Variants in POTEE observed in about 807,000 individuals in gnomAD.
The protein encoded by POTEE is ANKRD26-like family C member 1A.
In POTEE, 21 loss-of-function variants were observed where a neutral mutation model predicts 74.2. The observed-to-expected ratio is 0.28, with a 90% CI of 0.20 to 0.41. The LOEUF is 0.41. POTEE is among the 10% of genes least tolerant of loss of function. POTEE has a pLI of 1.00. For synonymous variants in POTEE, 211 were observed against 432.8 expected (o/e 0.49, Z 6.36); for missense variants, 525 against 1,158.6 (o/e 0.45, Z 7.94).
intron 8 of POTEE, among the ~76,000 whole-genome samples, chr2:131,230,437 T>A (rs910851811): frequency 1.3e-5 from 2 of 152,170 alleles, no homozygotes; most frequent in African/African-American, 4.8e-5. Context: ...TCGTTAAACC[T>A]TTATAACAAC....
At chr2:131,231,742 A>G (rs964660258) in intron 9 of POTEE, among the ~76,000 whole-genome samples, 11 of 152,100 alleles carry the variant, frequency 7.2e-5, no homozygotes, top group Admixed American at 7.2e-4. Context: ...TAAATATACA[A>G]ATTGCCCAAC....
At chr2:131,219,283 T>G (rs561676047) in intron 4 of POTEE, among the ~76,000 whole-genome samples, 1 of 151,592 alleles carries the variant, frequency 6.6e-6, no homozygotes, top group East Asian at 1.9e-4. Flanking sequence ...CAAAGCCCCA[T>G]AACACATCAA....
Position 131,224,012 on chromosome 2 carries a change from T to TA in POTEE, c.780dup (p.Tyr261IlefsTer4), listed in dbSNP as rs2105076930. ...AAATTAATGGCCAAAGCACTGCTCTTATATGGTGCTGATATCGAATCAAAA... is the reference window on the plus strand; with the variant it reads ...AAATTAATGGCCAAAGCACTGCTCTTAATATGGTGCTGATATCGAATCAAAA... On this transcript the variant is annotated frameshift_variant, in exon 6 of 18. Coordinates refer to ENST00000683005, the MANE Select transcript of POTEE (RefSeq NM_001083538.3). LOFTEE classifies it high-confidence loss of function. 1 of 1,480,798 alleles carries TA rather than the reference T, an allele frequency of 6.8e-7. No individual in the cohort carries two copies. The highest frequency in any genetic ancestry group is 2.4e-5 in the East Asian group (1 of 41,770). 91.7% of individuals were successfully genotyped at this position (1,480,798 alleles called of 1,614,324 possible).
intron 8 of POTEE, among the ~76,000 whole-genome samples, chr2:131,228,642 T>C (rs200928819): frequency 2.7e-5 from 4 of 147,432 alleles, no homozygotes; most frequent in African/African-American, 2.7e-5. Context: ...TTGATCCAAG[T>C]GTAACACCTA....
chr2:131,265,114 TTTTG>T lies in POTEE; in HGVS notation c.*435_*438del, dbSNP rs1701868914. 6.7e-6 allele frequency: 1 copy of T among 149,500 alleles called. No individual in the cohort carries two copies. 9.3% of individuals were successfully genotyped at this position (149,500 alleles called of 1,614,324 possible). On this transcript the variant is annotated 3_prime_UTR_variant, in exon 18 of 18. Transcript: ENST00000683005. ...GAATCTTCGCCTTAATACTTTTTAA[TTTTG>T]TTTTATTTTGAATGATCAGCCTTCG...
At chr2:131,251,290 A>G (rs1268359355) in intron 14 of POTEE, among the ~76,000 whole-genome samples, 1,549 of 32,422 alleles carry the variant, frequency 0.048, 358 homozygotes, top group African/African-American at 0.094. Flanking sequence ...ATTTTAATAG[A>G]TTCTTAAAAT....
At position 131,263,437 on chromosome 2, in the gene POTEE, A is replaced by G. The variant is rs1222187139; in HGVS notation, c.1982A>G (p.Glu661Gly). 6.2e-7 allele frequency: 1 copy of G among 1,611,934 alleles called. No individual in the cohort carries two copies. Among genetic ancestry groups the G allele is most frequent in the South Asian group, 1.1e-5 (1 of 90,942 alleles). The change falls in exon 18 of 18, where the codon GAG becomes GGG. Residue 661 changes from glutamate (E) to glycine (G), a missense_variant. By Grantham distance (98) the Glu-to-Gly change is moderately conservative. Transcript: ENST00000683005. ...GAAGAAATTGCCATGCTAAGACTGGAGCTAGACACAATGAAACATCAGAGC... is the reference window on the plus strand; with the variant it reads ...GAAGAAATTGCCATGCTAAGACTGGGGCTAGACACAATGAAACATCAGAGC... ...LREEIAMLRLELDTMKHQSQL... is the reference protein window; with the variant it reads ...LREEIAMLRLGLDTMKHQSQL...
chr2:131,220,546 G>A (rs187562672), intron 4 of POTEE, among the ~76,000 whole-genome samples: 3,345 of 152,006 alleles, frequency 0.022, 126 homozygotes, highest in African/African-American at 0.073. Flanking sequence ...TTAAAATTGG[G>A]CAAAGTACTT....
rs552406127 is a variant in POTEE at position 131,215,103 on chromosome 2, C to T, written c.-188-2486C>T. Among the ~76,000 whole-genome samples the T allele has an allele frequency of 3.3e-5, 5 of 150,552 alleles. No individual in the cohort carries two copies. The East Asian group carries it at 5.8e-4, about 18-fold the overall frequency. Reference sequence around the variant, plus strand: ...CCATTAGTGATATATTTTAAAAATGCTTATAATGTGTCACAATATATTTAG... The same window carrying T: ...CCATTAGTGATATATTTTAAAAATGTTTATAATGTGTCACAATATATTTAG... On this transcript the variant is annotated intron_variant, in intron 2 of 17. Transcript: ENST00000683005.
chr2:131,254,755 T>G (rs1336582331), intron 16 of POTEE, among the ~76,000 whole-genome samples: 1 of 116,894 alleles, frequency 8.6e-6, no homozygotes, highest in East Asian at 2.8e-4. Context: ...TTTGGAAAAC[T>G]ACATTTATAA....
At chr2:131,256,891 A>G (rs1321105586) in intron 16 of POTEE, among the ~76,000 whole-genome samples, 1 of 152,312 alleles carries the variant, frequency 6.6e-6, no homozygotes, top group Non-Finnish European at 1.5e-5. Context: ...TCAATTGGGA[A>G]CATACCAGGG....
chr2:131,220,031 T>C (rs1392739974), intron 4 of POTEE, among the ~76,000 whole-genome samples: 1 of 150,710 alleles, frequency 6.6e-6, no homozygotes, highest in East Asian at 1.9e-4. Flanking sequence ...ATAATGGTGG[T>C]GTTTTTTATT....
chr2:131,210,450 A>G (rs992792349), intron 1 of POTEE, among the ~76,000 whole-genome samples: 4 of 151,230 alleles, frequency 2.6e-5, no homozygotes, highest in African/African-American at 9.7e-5. Flanking sequence ...TGGGGGCTAT[A>G]CTGCCAGTGG....
At chr2:131,221,046 G>A (rs953831884) in intron 4 of POTEE, among the ~76,000 whole-genome samples, 24 of 151,784 alleles carry the variant, frequency 1.6e-4, no homozygotes, top group Middle Eastern at 3.5e-3. Context: ...TGGTACTTAC[G>A]TAGTCATTTA....
In POTEE at chr2:131,218,756, C is replaced by T. The variant is rs377185598; in HGVS notation, c.354C>T (p.Gly118=). ...CCRGSGKSKV[G]AWGDYDDSAF... is the part of the protein sequence containing the mutation. ...GGGGGAGCGGCAAGAGCAAGGTGGG[C>T]GCTTGGGGAGACTACGATGACAGCG... Residue 118 remains glycine (G), a synonymous_variant, in exon 4 of 18, where the codon GGC becomes GGT. Coordinates refer to ENST00000683005, the MANE Select transcript of POTEE (RefSeq NM_001083538.3). 13 of 1,612,778 alleles carry T rather than the reference C, an allele frequency of 8.1e-6. No individual in the cohort carries two copies. Among genetic ancestry groups the T allele is most frequent in the African/African-American group, 4.0e-5 (3 of 74,832 alleles).
chr2:131,263,872 C>A lies in POTEE; in HGVS notation c.2417C>A (p.Thr806Asn), dbSNP rs1380650767. ...CCCGAGGAGCACCCCATCCTGCTGA[C>A]CGAGGCCCCCCTGAACCCCAAGGCC... The part of the protein sequence containing the change: ...VAPEEHPILL[T>N]EAPLNPKANR... Residue 806 changes from threonine to asparagine, a missense_variant, in exon 18 of 18, where the codon ACC becomes AAC. By Grantham distance (65) the Thr-to-Asn change is moderately conservative (BLOSUM62 0). Transcript: ENST00000683005. The A allele has an allele frequency of 1.2e-6, 2 of 1,614,170 alleles. No individual in the cohort carries two copies. Among genetic ancestry groups the A allele is most frequent in the Admixed American group, 3.3e-5 (2 of 60,030 alleles).
intron 4 of POTEE, among the ~76,000 whole-genome samples, chr2:131,221,033 C>G (rs192505635): frequency 5.8e-4 from 87 of 150,232 alleles, no homozygotes; most frequent in Middle Eastern, 3.6e-3. Flanking sequence ...GGATGAAGAA[C>G]AGTGGTACTT....
At chr2:131,227,321 TAAAC>T (rs1293807101) in intron 7 of POTEE, among the ~76,000 whole-genome samples, 2 of 149,978 alleles carry the variant, frequency 1.3e-5, no homozygotes, top group African/African-American at 2.5e-5. Flanking sequence ...TCTGCTGTAT[TAAAC>T]ATAAATAGGG....
chr2:131,234,234 G>A (rs1360366258), intron 9 of POTEE, among the ~76,000 whole-genome samples: 10 of 151,840 alleles, frequency 6.6e-5, no homozygotes, highest in Non-Finnish European at 1.2e-4. Flanking sequence ...GTGAGTCACA[G>A]CTGCCAGAAA....
Sources: allele counts gnomAD v4.1 joint callset (sites outside exome capture counted in the v4.1 genomes callset), GRCh38; gene constraint gnomAD v4.1.1; transcripts MANE v1.5; gene names NCBI Gene and HGNC (gene_info 2026-07-23, HGNC 2026-07-21).